Variants in ASIC2 observed in about 807,000 individuals in gnomAD.
The protein encoded by ASIC2 is acid-sensing ion channel 2.
Under a neutral mutation model 57.3 loss-of-function variants are expected in ASIC2, and 25 were observed. The observed-to-expected ratio is 0.44, with a 90% CI of 0.32 to 0.61. The LOEUF (loss-of-function observed/expected upper bound fraction) is 0.61. ASIC2 is among the 20% of genes least tolerant of loss of function. The probability of loss-of-function intolerance (pLI) is 0.06; values close to 1 mark genes in which losing one functional copy is unlikely to be tolerated. For missense variants in ASIC2, 641 were observed against 738.1 expected (o/e 0.87, Z 1.52); for synonymous variants, 319 against 307.5 (o/e 1.04, Z -0.39).
At chr17:33,469,654 G>C (rs893290648) in intron 1 of ASIC2, among the ~76,000 whole-genome samples, 1 of 152,164 alleles carries the variant, frequency 6.6e-6, no homozygotes, top group African/African-American at 2.4e-5. Flanking sequence ...TCCCTGAACA[G>C]AGGAACAAGA....
chr17:33,018,880 G>A (rs1158882407), intron 7 of ASIC2, among the ~76,000 whole-genome samples: 1 of 152,186 alleles, frequency 6.6e-6, no homozygotes, highest in Admixed American at 6.5e-5. Context: ...ATGCCAGCTT[G>A]ACCTCTTGGC....
Position 33,118,613 on chromosome 17 carries a change from C to T in ASIC2, c.709-6546G>A, listed in dbSNP as rs1203436560. On this transcript the variant is annotated intron_variant, in intron 1 of 9. Coordinates refer to ENST00000225823, the MANE Select transcript of ASIC2 (RefSeq NM_183377.2). ...TAGTGGGGGAGGCACATCTCAGAGT[C>T]AGAGGAACCCGAGCAAAGTGCCAGA... Among the ~76,000 whole-genome samples, 5 of 152,230 alleles carry T rather than the reference C, an allele frequency of 3.3e-5. No individual in the cohort carries two copies. In the East Asian group the frequency reaches 9.7e-4, roughly 29 times the overall value.
chr17:33,319,039 C>T (rs985330761), intron 1 of ASIC2, among the ~76,000 whole-genome samples: 2 of 152,136 alleles, frequency 1.3e-5, no homozygotes, highest in Non-Finnish European at 2.9e-5. Context: ...CTGAGGTGAG[C>T]AGATCCCTTG....
At chr17:33,933,318 C>T (rs181894415) in intron 1 of ASIC2, among the ~76,000 whole-genome samples, 1 of 152,334 alleles carries the variant, frequency 6.6e-6, no homozygotes, top group African/African-American at 2.4e-5. Flanking sequence ...CTTATTACTC[C>T]CTGACATTGA....
intron 1 of ASIC2, among the ~76,000 whole-genome samples, chr17:33,226,170 C>T (rs965479022): frequency 6.6e-6 from 1 of 152,110 alleles, no homozygotes; most frequent in East Asian, 1.9e-4. Context: ...TAGTAACAAA[C>T]CCAATTGGTT....
chr17:33,993,075 G>A (rs1906050521), intron 1 of ASIC2, among the ~76,000 whole-genome samples: 1 of 152,172 alleles, frequency 6.6e-6, no homozygotes, highest in African/African-American at 2.4e-5. Flanking sequence ...TTTCATGTTT[G>A]AGAATCACTG....
At chr17:33,248,822 C>T (rs1908782551) in intron 1 of ASIC2, among the ~76,000 whole-genome samples, 1 of 152,188 alleles carries the variant, frequency 6.6e-6, no homozygotes, top group African/African-American at 2.4e-5. Context: ...CCTGGATAAT[C>T]CTACATGGTT....
intron 1 of ASIC2, among the ~76,000 whole-genome samples, chr17:33,133,181 G>C (rs1719473354): frequency 6.6e-6 from 1 of 152,244 alleles, no homozygotes; most frequent in Non-Finnish European, 1.5e-5. Flanking sequence ...GAGATTTTCA[G>C]TGAGGTTTGA....
intron 1 of ASIC2, among the ~76,000 whole-genome samples, chr17:33,532,138 G>A (rs565066965): frequency 1.2e-3 from 188 of 152,304 alleles, no homozygotes; most frequent in Non-Finnish European, 2.2e-3. Flanking sequence ...TTCAGCCAGA[G>A]GGGTGAGGCT....
intron 1 of ASIC2, among the ~76,000 whole-genome samples, chr17:33,479,102 G>C (rs1401532934): frequency 6.6e-6 from 1 of 151,930 alleles, no homozygotes; most frequent in Non-Finnish European, 1.5e-5. Flanking sequence ...GGGTTCAAGC[G>C]ATTCTCCTGC....
chr17:33,786,655 T>C (rs1911608851), intron 1 of ASIC2, among the ~76,000 whole-genome samples: 1 of 152,194 alleles, frequency 6.6e-6, no homozygotes, highest in Admixed American at 6.5e-5. Flanking sequence ...TCTTCATTAC[T>C]CACTGTCAGC....
chr17:33,348,594 G>A (rs1908042478), intron 1 of ASIC2, among the ~76,000 whole-genome samples: 1 of 152,096 alleles, frequency 6.6e-6, no homozygotes, highest in Admixed American at 6.5e-5. Context: ...AGGGTGAGAG[G>A]GTTAGGAAAT....
At chr17:33,799,127 C>T (rs762157115) in intron 1 of ASIC2, among the ~76,000 whole-genome samples, 5 of 152,218 alleles carry the variant, frequency 3.3e-5, no homozygotes, top group Non-Finnish European at 7.3e-5. Flanking sequence ...GCTCTTTCTT[C>T]TTTGTAAGTG....
chr17:34,142,891 C>G (rs1912310062), intron 1 of ASIC2: 1 of 152,224 alleles, frequency 6.6e-6, no homozygotes, highest in African/African-American at 2.4e-5. Context: ...TGTGAGACCC[C>G]TGAGCCCACT....
At chr17:33,830,685 G>A (rs1030879893) in intron 1 of ASIC2, among the ~76,000 whole-genome samples, 1 of 151,916 alleles carries the variant, frequency 6.6e-6, no homozygotes, top group Non-Finnish European at 1.5e-5. Context: ...ACACGCATTA[G>A]GTATTCATCC....
intron 1 of ASIC2, among the ~76,000 whole-genome samples, chr17:33,606,963 G>C (rs375964283): frequency 5.5e-4 from 83 of 152,284 alleles, no homozygotes; most frequent in African/African-American, 1.9e-3. Context: ...TGTGGGTGTT[G>C]CAGAGCAGTA....
At chr17:34,153,634 G>A (rs1489827614) in intron 1 of ASIC2, among the ~76,000 whole-genome samples, 1 of 152,222 alleles carries the variant, frequency 6.6e-6, no homozygotes, top group African/African-American at 2.4e-5. Context: ...CAGCCTCCCT[G>A]CTGGAGCCTC....
intron 1 of ASIC2, among the ~76,000 whole-genome samples, chr17:33,468,402 A>G (rs1370541734): frequency 1.3e-5 from 2 of 152,236 alleles, no homozygotes; most frequent in Non-Finnish European, 2.9e-5. Flanking sequence ...AATCTTCCAG[A>G]TTAAATAAAA....
At chr17:33,125,298 A>G (rs1382581151) in intron 1 of ASIC2, among the ~76,000 whole-genome samples, 2 of 152,202 alleles carry the variant, frequency 1.3e-5, no homozygotes, top group African/African-American at 4.8e-5. Context: ...GAGAGAGCAT[A>G]GGCTTTGGAA....
Sources: gnomAD v4.1 joint callset for allele counts (sites outside exome capture counted in the v4.1 genomes callset) on GRCh38, gnomAD v4.1.1 for gene constraint, MANE v1.5 for transcripts, NCBI Gene and HGNC (gene_info 2026-07-23, HGNC 2026-07-21) for gene names.